RANBP17: variants seen among roughly 807,000 people sequenced by gnomAD.
The protein encoded by RANBP17 is RAN binding protein 17.
Under a neutral mutation model 141.2 loss-of-function variants are expected in RANBP17, and 158 were observed. That is an observed-to-expected ratio of 1.12 (90% confidence interval 0.98 to 1.28). The LOEUF (loss-of-function observed/expected upper bound fraction) is 1.28, where lower values mean the gene tolerates loss of function less well. Among genes scored for constraint, RANBP17 ranks in the 50% most tolerant of loss-of-function variants. The pLI, the probability that RANBP17 is intolerant of heterozygous loss-of-function variation, is 0.00. For synonymous variants in RANBP17, 430 were observed against 450.0 expected (o/e 0.96, Z 0.56); for missense variants, 1,438 against 1,290.7 (o/e 1.11, Z -1.75).
chr5:171,004,051 G>A (rs1449429556), intron 14 of RANBP17, among the ~76,000 whole-genome samples: 1 of 152,186 alleles, frequency 6.6e-6, no homozygotes, highest in Non-Finnish European at 1.5e-5. Context: ...ATTGTAAGGA[G>A]AGTTTATAGG....
At chr5:171,202,700 C>G (rs2127957404) in intron 19 of RANBP17, among the ~76,000 whole-genome samples, 1 of 152,162 alleles carries the variant, frequency 6.6e-6, no homozygotes, top group South Asian at 2.1e-4. Flanking sequence ...CCTGCTCATT[C>G]CTCTGACACG....
At chr5:170,961,272 G>A (rs545134179) in intron 13 of RANBP17, among the ~76,000 whole-genome samples, 23 of 152,238 alleles carry the variant, frequency 1.5e-4, no homozygotes, top group African/African-American at 5.3e-4. Flanking sequence ...CATATCTGAC[G>A]TATAGTGGGC....
chr5:170,958,807 G>A (rs1485010709), intron 13 of RANBP17, among the ~76,000 whole-genome samples: 1 of 151,974 alleles, frequency 6.6e-6, no homozygotes, highest in Admixed American at 6.6e-5. Context: ...TTTAAACATA[G>A]CAAATAAATA....
intron 14 of RANBP17, among the ~76,000 whole-genome samples, chr5:171,121,300 G>T (rs1756013354): frequency 6.6e-6 from 1 of 152,242 alleles, no homozygotes; most frequent in South Asian, 2.1e-4. Context: ...CAGTCTGAGG[G>T]CATGTGTGCC....
intron 6 of RANBP17, chr5:170,910,420 C>G (rs965500160): frequency 1.3e-5 from 2 of 152,470 alleles, no homozygotes; most frequent in Non-Finnish European, 2.9e-5. Flanking sequence ...TATGTCAGAC[C>G]CAAAGACCTT....
At chr5:171,220,641 T>C (rs1027615420) in intron 21 of RANBP17, among the ~76,000 whole-genome samples, 1 of 151,866 alleles carries the variant, frequency 6.6e-6, no homozygotes, top group Non-Finnish European at 1.5e-5. Flanking sequence ...AGAGACAGGG[T>C]TTCGCCATAT....
At chr5:170,909,846 TC>T in intron 6 of RANBP17, 81 bp downstream of exon 6, 2 of 790,946 alleles carry the variant, frequency 2.5e-6, no homozygotes, top group Non-Finnish European at 4.3e-6. Flanking sequence ...AGTTGAATTT[TC>T]CCCCCAGTTT....
At chr5:171,253,615 G>T (rs1005940608) in intron 24 of RANBP17, among the ~76,000 whole-genome samples, 2 of 152,196 alleles carry the variant, frequency 1.3e-5, no homozygotes, top group African/African-American at 4.8e-5. Flanking sequence ...CAAGGGGAAA[G>T]ACTGGCTTTG....
chr5:170,991,410 T>C (rs1778499084), intron 14 of RANBP17, among the ~76,000 whole-genome samples: 1 of 151,938 alleles, frequency 6.6e-6, no homozygotes, highest in Admixed American at 6.6e-5. Flanking sequence ...AGCAACCCAA[T>C]TGTTGCTTGT....
chr5:171,109,829 A>T (rs1463822917), intron 14 of RANBP17, among the ~76,000 whole-genome samples: 1 of 152,186 alleles, frequency 6.6e-6, no homozygotes, highest in Non-Finnish European at 1.5e-5. Context: ...TGAATATCCA[A>T]CACTAAGGCA....
rs181945010 is a variant in RANBP17 at position 171,079,164 on chromosome 5, C to A, written c.1711-90966C>A. On this transcript the variant is annotated intron_variant, in intron 14 of 27. Transcript: ENST00000523189. ...GATGACTCTGAGGGGTTCAAGACTT[C>A]AGGATCGGAAATAACTGCAGATGTG... 2.7e-3 allele frequency among the ~76,000 whole-genome samples: 416 copies of A among 152,252 alleles called. 2 individuals are homozygous for A. Among genetic ancestry groups the A allele is most frequent in the Middle Eastern group, 0.014 (4 of 294 alleles).
intron 14 of RANBP17, among the ~76,000 whole-genome samples, chr5:171,016,176 CTT>C (rs377305717): frequency 4.3e-4 from 47 of 108,996 alleles, no homozygotes; most frequent in Admixed American, 5.5e-4. Flanking sequence ...GGGATCACTG[CTT>C]TTTTTTTTTT....
intron 14 of RANBP17, among the ~76,000 whole-genome samples, chr5:171,148,011 A>G (rs1758187519): frequency 1.3e-5 from 2 of 152,178 alleles, no homozygotes; most frequent in South Asian, 4.1e-4. Flanking sequence ...AGAAAGAAGT[A>G]GACATGGGAG....
intron 14 of RANBP17, among the ~76,000 whole-genome samples, chr5:171,081,192 C>T (rs141338717): frequency 1.3e-5 from 2 of 152,220 alleles, no homozygotes; most frequent in African/African-American, 4.8e-5. Context: ...GGTGTTCTTG[C>T]CCTTGGTTCT....
Position 171,104,400 on chromosome 5 carries a change from A to G in RANBP17, c.1711-65730A>G, listed in dbSNP as rs1787397583. 2.0e-5 allele frequency among the ~76,000 whole-genome samples: 3 copies of G among 152,194 alleles called. 1 individual carries two copies. The highest frequency in any genetic ancestry group is 7.2e-5 in the African/African-American group (3 of 41,452). The stretch of plus-strand genomic sequence containing the variant: ...TTGATTTTTCAGCACCCTGCAATTC[A>G]TTCACTCAGAAAGAGAACATAAATG... On this transcript the variant is annotated intron_variant, in intron 14 of 27. Transcript: ENST00000523189.
intron 14 of RANBP17, among the ~76,000 whole-genome samples, chr5:171,097,656 C>CT (rs1786800068): frequency 7.3e-6 from 1 of 136,298 alleles, no homozygotes; most frequent in African/African-American, 2.7e-5. Flanking sequence ...TATTATTATA[C>CT]TTTAAGTTCT....
intron 18 of RANBP17, among the ~76,000 whole-genome samples, chr5:171,199,357 A>C (rs1243977491): frequency 6.6e-6 from 1 of 152,082 alleles, no homozygotes; most frequent in Admixed American, 6.6e-5. Flanking sequence ...GTCTTCCTTG[A>C]GGCATTAGAG....
At chr5:170,956,257 A>AAT (rs1775684188) in intron 13 of RANBP17, among the ~76,000 whole-genome samples, 1 of 151,942 alleles carries the variant, frequency 6.6e-6, no homozygotes, top group African/African-American at 2.4e-5. Flanking sequence ...TTACCCTATT[A>AAT]AAGACCTTAA....
At chr5:170,967,399 C>T (rs1776650916) in intron 13 of RANBP17, among the ~76,000 whole-genome samples, 1 of 152,028 alleles carries the variant, frequency 6.6e-6, no homozygotes, top group South Asian at 2.1e-4. Flanking sequence ...ACTGCTTCCT[C>T]AACAACCTCT....
Sources: allele counts gnomAD v4.1 joint callset (sites outside exome capture counted in the v4.1 genomes callset), GRCh38; gene constraint gnomAD v4.1.1; transcripts MANE v1.5; gene names NCBI Gene and HGNC (gene_info 2026-07-23, HGNC 2026-07-21).